CSF1R: variants seen among roughly 807,000 people sequenced by gnomAD.
CSF1R encodes macrophage colony-stimulating factor 1 receptor.
Under a neutral mutation model 110.0 loss-of-function variants are expected in CSF1R, and 40 were observed. The observed-to-expected ratio is 0.36, with a 90% confidence interval of 0.28 to 0.47. CSF1R has a LOEUF of 0.47. CSF1R is among the 20% of genes least tolerant of loss of function. The probability of loss-of-function intolerance (pLI) is 0.99; values close to 1 mark genes in which losing one functional copy is unlikely to be tolerated. For synonymous variants in CSF1R, 523 were observed against 503.4 expected, an observed-to-expected ratio of 1.04 and a Z score of -0.52; for missense variants, 1,052 against 1,253.0, an observed-to-expected ratio of 0.84 and a Z score of 2.42.
intron 1 of CSF1R, among the ~76,000 whole-genome samples, chr5:150,104,587 C>G (rs1166021326): frequency 6.6e-6 from 1 of 152,222 alleles, no homozygotes; most frequent in Non-Finnish European, 1.5e-5. Context: ...GGAATTTTCT[C>G]ATTGAATCCT....
intron 1 of CSF1R, among the ~76,000 whole-genome samples, chr5:150,099,823 G>A (rs1759345308): frequency 6.6e-6 from 1 of 152,046 alleles, no homozygotes; most frequent in Non-Finnish European, 1.5e-5. Context: ...ATATACATTT[G>A]TCAAAAGTAG....
intron 1 of CSF1R, among the ~76,000 whole-genome samples, chr5:150,108,504 C>T (rs73277711): frequency 0.025 from 3,754 of 152,080 alleles, 166 homozygotes; most frequent in African/African-American, 0.086. Context: ...TGCTGGGCCA[C>T]GGGGAGCCAC....
At chr5:150,085,675 T>A (rs1758811069) in intron 1 of CSF1R, among the ~76,000 whole-genome samples, 1 of 151,676 alleles carries the variant, frequency 6.6e-6, no homozygotes. Context: ...GCCCTATACC[T>A]ATTTCACCCC....
chr5:150,070,195 C>T lies in CSF1R; in HGVS notation c.1306G>A (p.Gly436Ser), dbSNP rs886060257. The change falls in exon 8 of 21, where the codon GGC becomes AGC. Residue 436 changes from glycine to serine, a missense_variant. Around this residue, in one of 5 missense-constraint regions of CSF1R, gnomAD observed 693 missense variants for 735.4 expected, o/e 0.94. Transcript: ENST00000675795. ...QPNVTWLQCSGHTDRCDEAQV... is the reference protein window; with the variant it reads ...QPNVTWLQCSSHTDRCDEAQV... ...GAGCCCACTTACCTATCAGTGTGGC[C>T]ACTGCACTGCAGCCATGTCACGTTG... 5 of 1,613,980 alleles carry T rather than the reference C, an allele frequency of 3.1e-6. No homozygotes were observed. Among genetic ancestry groups the T allele is most frequent in the Non-Finnish European group, 4.2e-6 (5 of 1,179,946 alleles).
intron 19 of CSF1R, 38 bp from the exon 20 acceptor site, chr5:150,054,468 C>T (rs1413237552): frequency 5.7e-6 from 9 of 1,566,372 alleles, no homozygotes; most frequent in Non-Finnish European, 7.8e-6. Flanking sequence ...GGGCAGCTCC[C>T]TAGGGTCCAG....
chr5:150,093,848 G>A (rs1467046046), intron 1 of CSF1R, among the ~76,000 whole-genome samples: 1 of 152,170 alleles, frequency 6.6e-6, no homozygotes, highest in Non-Finnish European at 1.5e-5. Context: ...CAGGTCACCT[G>A]AGGTCAGGAG....
chr5:150,103,888 G>A (rs1266119897), intron 1 of CSF1R, among the ~76,000 whole-genome samples: 1 of 152,184 alleles, frequency 6.6e-6, no homozygotes, highest in Non-Finnish European at 1.5e-5. Flanking sequence ...GATCCTATAG[G>A]CCATGGGTCC....
Position 150,054,128 on chromosome 5 carries a change from A to G in CSF1R, c.2860T>C (p.Cys954Arg), listed in dbSNP as rs766007425. The G allele has an allele frequency of 1.2e-6, 2 of 1,614,002 alleles. No homozygotes were observed. Among genetic ancestry groups the G allele is most frequent in the Non-Finnish European group, 1.7e-6 (2 of 1,179,968 alleles). The part of the protein sequence containing the change: ...EESSSEHLTC[C>R]EQGDIAQPLL... ...GGCTGGGCGATATCCCCTTGCTCGCAGCAGGTCAGGTGCTCACTAGAGCTC... is the reference window on the plus strand; with the variant it reads ...GGCTGGGCGATATCCCCTTGCTCGCGGCAGGTCAGGTGCTCACTAGAGCTC... Residue 954 changes from cysteine (C) to arginine (R), a missense_variant, in exon 21 of 21, where the codon TGC becomes CGC. Coordinates refer to ENST00000675795, the MANE Select transcript of CSF1R (RefSeq NM_001288705.3).
At chr5:150,083,436 C>T (rs993160690) in intron 1 of CSF1R, among the ~76,000 whole-genome samples, 2 of 150,818 alleles carry the variant, frequency 1.3e-5, no homozygotes, top group South Asian at 2.1e-4. Context: ...CCTCTTCAGC[C>T]CAGGATCTCA....
intron 1 of CSF1R, among the ~76,000 whole-genome samples, chr5:150,113,051 C>T (rs945100187): frequency 1.1e-4 from 17 of 152,178 alleles, no homozygotes; most frequent in Admixed American, 1.0e-3. Flanking sequence ...AGCACTCTGT[C>T]CCCTGCCCCC....
At chr5:150,080,655 T>A in intron 2 of CSF1R, 112 bp downstream of exon 2, 2 of 1,363,908 alleles carry the variant, frequency 1.5e-6, no homozygotes, top group Non-Finnish European at 2.0e-6. Context: ...TCCTTGCTCA[T>A]AGCCAGCACT....
In CSF1R at chr5:150,053,562, G is replaced by C. The variant is rs1757025320; in HGVS notation, c.*507C>G. On this transcript the variant is annotated 3_prime_UTR_variant, in exon 21 of 21. Coordinates refer to ENST00000675795, the MANE Select transcript of CSF1R (RefSeq NM_001288705.3). ...CGGCGTATAGGGCAGAGACTAAGAG[G>C]TCCTGTGAGATTCTTAGAGGAGCCA... is the stretch of plus-strand genomic sequence containing the variant. 4.0e-6 allele frequency: 1 copy of C among 247,590 alleles called. No homozygotes were observed. Among genetic ancestry groups the C allele is most frequent in the Non-Finnish European group, 7.9e-6 (1 of 126,922 alleles). 15.3% of individuals were successfully genotyped at this position (247,590 alleles called of 1,614,324 possible). A position where few individuals can be genotyped will look rare whatever the true frequency, so the allele number is the denominator to read the frequency against.
chr5:150,087,476 T>A (rs530029139), upstream of CSF1R, among the ~76,000 whole-genome samples: 174 of 152,348 alleles, frequency 1.1e-3, no homozygotes, highest in African/African-American at 4.1e-3. Flanking sequence ...GCCTTAAGCT[T>A]GTCCATAGTC....
At chr5:150,059,642 C>G in intron 14 of CSF1R, 58 bp downstream of exon 14, 1 of 1,589,220 alleles carries the variant, frequency 6.3e-7, no homozygotes, top group East Asian at 2.2e-5. Context: ...GCTTTGAAGA[C>G]AGACTCGGAT....
At chr5:150,069,748 A>T in intron 9 of CSF1R, 125 bp downstream of exon 9, 1 of 822,656 alleles carries the variant, frequency 1.2e-6, no homozygotes, top group Non-Finnish European at 1.8e-6. Flanking sequence ...TGGTACTGCT[A>T]GGATCTGCTC....
intron 1 of CSF1R, among the ~76,000 whole-genome samples, chr5:150,105,347 CAAAAAAAAA>C (rs780403646): frequency 6.5e-5 from 5 of 76,546 alleles, no homozygotes; most frequent in Non-Finnish European, 4.6e-5. Flanking sequence ...GACTCTGTCT[CAAAAAAAAA>C]AAAAAAAATA....
At chr5:150,067,820 C>T (rs1397005083) in intron 10 of CSF1R, among the ~76,000 whole-genome samples, 1 of 152,190 alleles carries the variant, frequency 6.6e-6, no homozygotes, top group African/African-American at 2.4e-5. Flanking sequence ...CTCCTCATAG[C>T]CTCTCACTCT....
chr5:150,061,449 T>G, intron 12 of CSF1R, 42 bp downstream of exon 12: 16 of 469,294 alleles, frequency 3.4e-5, no homozygotes, highest in African/African-American at 5.0e-5. Context: ...CCCCAGCATC[T>G]ACCACCCCCC....
At chr5:150,076,044 G>A (rs1407083611) in intron 5 of CSF1R, among the ~76,000 whole-genome samples, 1 of 152,174 alleles carries the variant, frequency 6.6e-6, no homozygotes, top group Non-Finnish European at 1.5e-5. Context: ...CTCCCACTCC[G>A]ATGAGCTGCT....
Sources: gnomAD v4.1 joint callset for allele counts (sites outside exome capture counted in the v4.1 genomes callset) on GRCh38, gnomAD v4.1.1 for gene constraint, gnomAD v4.1.1 regional missense constraint, MANE v1.5 for transcripts, NCBI Gene and HGNC (gene_info 2026-07-23, HGNC 2026-07-21) for gene names.